EXT1: variants seen among roughly 807,000 people sequenced by gnomAD.
EXT1 encodes exostosin glycosyltransferase 1.
A neutral mutation model predicts 82.5 loss-of-function variants in EXT1; 20 were observed. That is an observed-to-expected ratio of 0.24 (90% CI 0.17 to 0.35). The LOEUF is 0.35. Among genes scored for constraint, EXT1 ranks in the 10% least tolerant of loss-of-function variants. The pLI, the probability that EXT1 is intolerant of heterozygous loss-of-function variation, is 1.00. For missense variants in EXT1, 757 were observed against 936.5 expected (o/e 0.81, Z 2.50); for synonymous variants, 348 against 350.8 (o/e 0.99, Z 0.09).
intron 1 of EXT1, among the ~76,000 whole-genome samples, chr8:118,100,700 C>T (rs1368472370): frequency 6.6e-6 from 1 of 151,758 alleles, no homozygotes; most frequent in African/African-American, 2.4e-5. Flanking sequence ...GAGCTGAGAT[C>T]GCGCCACTGC....
chr8:118,054,575 C>T (rs886415630), intron 1 of EXT1, among the ~76,000 whole-genome samples: 17 of 152,152 alleles, frequency 1.1e-4, no homozygotes, highest in Admixed American at 2.0e-4. Flanking sequence ...ATCCTTCAAA[C>T]GACCCTAAAA....
At chr8:118,090,636 G>A (rs1425939271) in intron 1 of EXT1, among the ~76,000 whole-genome samples, 1 of 151,608 alleles carries the variant, frequency 6.6e-6, no homozygotes, top group African/African-American at 2.4e-5. Context: ...AAAATTAACT[G>A]CGCATGGTGG....
At chr8:117,856,557 C>T (rs747245847) in intron 1 of EXT1, among the ~76,000 whole-genome samples, 12 of 151,392 alleles carry the variant, frequency 7.9e-5, no homozygotes, top group Admixed American at 4.6e-4. Flanking sequence ...TGAGCCACCG[C>T]GCCTGGCCAA....
intron 1 of EXT1, among the ~76,000 whole-genome samples, chr8:118,096,635 G>C (rs1817618509): frequency 4.7e-5 from 1 of 21,140 alleles, no homozygotes; most frequent in African/African-American, 1.3e-4. Context: ...AGGAAGGAAG[G>C]AAGGAAGGAA....
At chr8:118,039,218 T>C (rs1816481403) in intron 1 of EXT1, among the ~76,000 whole-genome samples, 2 of 152,184 alleles carry the variant, frequency 1.3e-5, no homozygotes, top group South Asian at 2.1e-4. Context: ...GCTCAGATAA[T>C]GTATTTGCTG....
chr8:117,937,470 G>A (rs17451050), intron 1 of EXT1, among the ~76,000 whole-genome samples: 3 of 152,274 alleles, frequency 2.0e-5, no homozygotes, highest in East Asian at 3.9e-4. Flanking sequence ...TTGCTGAATC[G>A]CCCTGATTTA....
chr8:117,992,004 G>A (rs868189281), intron 1 of EXT1, among the ~76,000 whole-genome samples: 1 of 152,168 alleles, frequency 6.6e-6, no homozygotes, highest in Non-Finnish European at 1.5e-5. Flanking sequence ...CACTCTCCAC[G>A]TCCATATCAG....
At chr8:117,881,067 G>A (rs981476831) in intron 1 of EXT1, among the ~76,000 whole-genome samples, 3 of 152,124 alleles carry the variant, frequency 2.0e-5, no homozygotes, top group African/African-American at 7.2e-5. Flanking sequence ...TAGAAATCAA[G>A]TGCAGGTGAC....
In EXT1 at chr8:118,110,537, A is replaced by G; in HGVS notation, c.510T>C (p.Tyr170=). 6.2e-7 allele frequency: 1 copy of G among 1,614,158 alleles called. No homozygotes were observed. The highest frequency in any genetic ancestry group is 8.5e-7 in the Non-Finnish European group (1 of 1,180,032). The change falls in exon 1 of 11, where the codon TAT becomes TAC. Residue 170 remains tyrosine, a synonymous_variant. Coordinates refer to ENST00000378204, the MANE Select transcript of EXT1 (RefSeq NM_000127.3). The part of the protein sequence containing the change: ...TLDRDQLSPQ[Y]VHNLRSKVQS... ...GCACTTTGGATCTCAAATTGTGCAC[A>G]TACTGAGGTGACAACTGGTCTCTGT...
intron 1 of EXT1, among the ~76,000 whole-genome samples, chr8:117,870,946 T>C (rs1051080101): frequency 2.6e-5 from 4 of 152,138 alleles, no homozygotes; most frequent in Non-Finnish European, 5.9e-5. Context: ...CAACTGAGTT[T>C]CTATTCTGCA....
intron 1 of EXT1, among the ~76,000 whole-genome samples, chr8:118,031,467 G>C (rs1437415314): frequency 6.6e-6 from 1 of 151,958 alleles, no homozygotes; most frequent in Non-Finnish European, 1.5e-5. Context: ...GGAGGTTGCA[G>C]TGAGCTGAGA....
chr8:117,902,013 ATT>A (rs56712360), intron 1 of EXT1, among the ~76,000 whole-genome samples: 5 of 141,144 alleles, frequency 3.5e-5, no homozygotes, highest in Non-Finnish European at 4.7e-5. Context: ...ACTTTTTTCT[ATT>A]TTTTTTTTTT....
chr8:117,860,594 A>G (rs936078928), intron 1 of EXT1, among the ~76,000 whole-genome samples: 1 of 152,194 alleles, frequency 6.6e-6, no homozygotes, highest in Non-Finnish European at 1.5e-5. Flanking sequence ...TGCGGTTGCA[A>G]ATTGGAGAAT....
intron 1 of EXT1, among the ~76,000 whole-genome samples, chr8:117,879,185 G>A (rs1267977532): frequency 6.6e-6 from 1 of 152,142 alleles, no homozygotes; most frequent in Non-Finnish European, 1.5e-5. Context: ...CAGAATGCAG[G>A]TGACTACCAA....
At chr8:118,055,068 C>A (rs551794326) in intron 1 of EXT1, among the ~76,000 whole-genome samples, 4 of 152,168 alleles carry the variant, frequency 2.6e-5, no homozygotes, top group African/African-American at 9.6e-5. Flanking sequence ...CATATGCACT[C>A]ATGCATCCAC....
chr8:117,957,515 G>C (rs1222351686), intron 1 of EXT1, among the ~76,000 whole-genome samples: 1 of 152,202 alleles, frequency 6.6e-6, no homozygotes, highest in Non-Finnish European at 1.5e-5. Context: ...CACTGAAACA[G>C]GAAGCCCTTG....
chr8:117,983,694 C>T (rs1242766850), intron 1 of EXT1, among the ~76,000 whole-genome samples: 2 of 152,122 alleles, frequency 1.3e-5, no homozygotes, highest in Non-Finnish European at 2.9e-5. Flanking sequence ...TTAATAGAAT[C>T]TTTTAGGGGA....
chr8:118,110,392 CTTTG>C lies in EXT1; in HGVS notation c.651_654del (p.Lys218ProfsTer33), dbSNP rs1288614679. 1 of 1,614,072 alleles carries C rather than the reference CTTTG, an allele frequency of 6.2e-7. No homozygotes were observed. The highest frequency in any genetic ancestry group is 1.3e-5 in the African/African-American group (1 of 74,932). On this transcript the variant is annotated frameshift_variant, in exon 1 of 11. Coordinates refer to ENST00000378204, the MANE Select transcript of EXT1 (RefSeq NM_000127.3). LOFTEE classifies it high-confidence loss of function. Reference sequence around the variant, plus strand: ...CGGAAGTTTTCAGTACTGATGCTGGCTTTGGCCAGCATCGCCTGGCCGATGTCAA... The same window carrying C: ...CGGAAGTTTTCAGTACTGATGCTGGCGCCAGCATCGCCTGGCCGATGTCAA...
intron 8 of EXT1, among the ~76,000 whole-genome samples, chr8:117,810,840 G>A (rs569817442): frequency 6.6e-6 from 1 of 152,274 alleles, no homozygotes; most frequent in East Asian, 1.9e-4. Context: ...TCACCGGCAG[G>A]AAAATCGAGG....
Sources: allele counts gnomAD v4.1 joint callset (sites outside exome capture counted in the v4.1 genomes callset), GRCh38; gene constraint gnomAD v4.1.1; transcripts MANE v1.5; gene names NCBI Gene and HGNC (gene_info 2026-07-23, HGNC 2026-07-21).